APP: variants seen among roughly 807,000 people sequenced by gnomAD.
APP encodes amyloid beta precursor protein, also known as amyloid-beta precursor protein.
A neutral mutation model predicts 101.4 loss-of-function variants in APP; 31 were observed. The observed-to-expected ratio is 0.31, with a 90% CI of 0.23 to 0.41. The LOEUF is 0.41. Among genes scored for constraint, APP ranks in the 10% least tolerant of loss-of-function variants. The pLI is 1.00. For missense variants in APP, 839 were observed against 1,003.7 expected (o/e 0.84, Z 2.22); for synonymous variants, 366 against 364.4 (o/e 1.00, Z -0.05).
chr21:25,925,723 TCAGGAGTTCAAGACCAGC>T (rs2039865000), intron 13 of APP, among the ~76,000 whole-genome samples: 1 of 151,212 alleles, frequency 6.6e-6, no homozygotes. Flanking sequence ...TCACTTGAGG[TCAGGAGTTCAAGACCAGC>T]CTGGCCAACA....
intron 1 of APP, among the ~76,000 whole-genome samples, chr21:26,148,133 T>TG (rs902190546): frequency 1.3e-5 from 2 of 152,232 alleles, no homozygotes; most frequent in African/African-American, 2.4e-5. Flanking sequence ...AGGAAGCCTC[T>TG]GCAAGTGGAG....
intron 9 of APP, among the ~76,000 whole-genome samples, chr21:25,977,774 A>T (rs2042276807): frequency 6.6e-6 from 1 of 152,264 alleles, no homozygotes; most frequent in African/African-American, 2.4e-5. Flanking sequence ...AGAATAGAAC[A>T]TGGAAGAAAA....
intron 6 of APP, among the ~76,000 whole-genome samples, chr21:26,011,043 T>C (rs991767417): frequency 2.0e-5 from 3 of 151,730 alleles, no homozygotes; most frequent in African/African-American, 4.8e-5. Flanking sequence ...AGACACAGTA[T>C]TGCACGGGTA....
At chr21:25,936,915 G>C (rs2040387596) in intron 13 of APP, among the ~76,000 whole-genome samples, 1 of 152,086 alleles carries the variant, frequency 6.6e-6, no homozygotes, top group Non-Finnish European at 1.5e-5. Flanking sequence ...CTGAATCTGA[G>C]AGTAACAAGG....
chr21:26,114,801 A>T (rs973770092), intron 1 of APP, among the ~76,000 whole-genome samples: 10 of 151,976 alleles, frequency 6.6e-5, no homozygotes, highest in Admixed American at 1.3e-4. Flanking sequence ...ATCTGTTGGC[A>T]TATGTGTGTA....
At chr21:26,029,843 C>A (rs1222954144) in intron 5 of APP, among the ~76,000 whole-genome samples, 1 of 152,076 alleles carries the variant, frequency 6.6e-6, no homozygotes, top group Non-Finnish European at 1.5e-5. Flanking sequence ...TTGTATGCGA[C>A]CTGTAAGGCC....
Position 25,928,061 on chromosome 21 carries a change from A to C in APP, c.1688-16099T>G, listed in dbSNP as rs113996401. On this transcript the variant is annotated intron_variant, in intron 13 of 17. Transcript: ENST00000346798. ...AAAGTAGAGACTAAAAAACAACTTT[A>C]TGGCCAGGCGCGGTGGCTCACGCCT... 8.5e-3 allele frequency among the ~76,000 whole-genome samples: 1,295 copies of C among 152,164 alleles called. 26 individuals are homozygous for C. Among genetic ancestry groups the C allele is most frequent in the African/African-American group, 0.03 (1,230 of 41,514 alleles).
At position 26,104,295 on chromosome 21, in the gene APP, C is replaced by T. The variant is rs539312784; in HGVS notation, c.225+7684G>A. 2.0e-4 allele frequency among the ~76,000 whole-genome samples: 31 copies of T among 151,696 alleles called. No individual in the cohort carries two copies. In the South Asian group the frequency reaches 4.0e-3, roughly 19 times the overall value. On this transcript the variant is annotated intron_variant, in intron 2 of 17. Coordinates refer to ENST00000346798, the MANE Select transcript of APP (RefSeq NM_000484.4). ...CACAAACATTCATCCCATAACAGTC[C>T]TCAATACATACTTGAAAAAAAAGGG...
At chr21:26,118,613 G>A (rs1196717564) in intron 1 of APP, among the ~76,000 whole-genome samples, 1 of 152,074 alleles carries the variant, frequency 6.6e-6, no homozygotes, top group Non-Finnish European at 1.5e-5. Flanking sequence ...AGTGCAGCGG[G>A]GTGATCTCGG....
rs958341187 is a variant in APP at position 26,051,556 on chromosome 21, G to A, written c.469-363C>T. Among the ~76,000 whole-genome samples, 18 of 152,262 alleles carry A rather than the reference G, an allele frequency of 1.2e-4. No individual in the cohort carries two copies. The South Asian group carries it at 2.1e-3, about 18-fold the overall frequency. ...TAATTCGTGTATCCAGAAATTGTGCGCATTCCAGGTAGATCCCCAGCTCAC... is the reference window on the plus strand; with the variant it reads ...TAATTCGTGTATCCAGAAATTGTGCACATTCCAGGTAGATCCCCAGCTCAC... On this transcript the variant is annotated intron_variant, in intron 4 of 17. Transcript: ENST00000346798.
At chr21:26,018,701 A>C (rs2044207648) in intron 6 of APP, among the ~76,000 whole-genome samples, 1 of 152,216 alleles carries the variant, frequency 6.6e-6, no homozygotes, top group Non-Finnish European at 1.5e-5. Flanking sequence ...ACCTGCATTA[A>C]AGATTCCTCT....
At chr21:26,076,994 C>G (rs1236097672) in intron 3 of APP, among the ~76,000 whole-genome samples, 1 of 148,950 alleles carries the variant, frequency 6.7e-6, no homozygotes, top group Non-Finnish European at 1.5e-5. Flanking sequence ...ACCCAGGAGG[C>G]GGAGGCTGCG....
intron 1 of APP, among the ~76,000 whole-genome samples, chr21:26,119,685 A>AACACACACAC (rs5843212): frequency 6.7e-6 from 1 of 150,324 alleles, no homozygotes; most frequent in East Asian, 1.9e-4. Flanking sequence ...TGCTAGAATG[A>AACACACACAC]ACACACACAC....
intron 5 of APP, among the ~76,000 whole-genome samples, chr21:26,041,496 C>A (rs2045369376): frequency 6.6e-6 from 1 of 152,174 alleles, no homozygotes; most frequent in Non-Finnish European, 1.5e-5. Flanking sequence ...GTCCATGCAT[C>A]AGTAGCTTAG....
intron 2 of APP, among the ~76,000 whole-genome samples, chr21:26,111,087 TAAAAAA>T (rs576900084): frequency 4.0e-4 from 35 of 88,448 alleles, no homozygotes; most frequent in Middle Eastern, 0.015. Flanking sequence ...AAAGTTAAGT[TAAAAAA>T]AAAAAAAAAA....
chr21:25,891,503 G>A lies in APP; in HGVS notation c.2211+219C>T, dbSNP rs536790453. ...AACTTCAACACAAATTGTAAGTTGA[G>A]ATAACAACACACACTCTCAATACCT... is the stretch of plus-strand genomic sequence containing the variant. On this transcript the variant is annotated intron_variant, in intron 17 of 17. Coordinates refer to ENST00000346798, the MANE Select transcript of APP (RefSeq NM_000484.4). Among the ~76,000 whole-genome samples, 28 of 152,114 alleles carry A rather than the reference G, an allele frequency of 1.8e-4. No individual in the cohort carries two copies. The South Asian group carries it at 5.6e-3, about 30-fold the overall frequency.
At chr21:26,023,911 T>C (rs905020111) in intron 5 of APP, among the ~76,000 whole-genome samples, 1 of 152,180 alleles carries the variant, frequency 6.6e-6, no homozygotes, top group African/African-American at 2.4e-5. Flanking sequence ...AGTAACTCAG[T>C]GAAATTGGGA....
intron 15 of APP, among the ~76,000 whole-genome samples, chr21:25,900,378 C>A (rs1478227002): frequency 7.6e-4 from 45 of 59,472 alleles, no homozygotes; most frequent in Non-Finnish European, 1.0e-3. Context: ...ACTAAAAATA[C>A]AAAAAAAAAA....
chr21:26,127,808 TA>T (rs2146262574), intron 1 of APP, among the ~76,000 whole-genome samples: 1 of 152,300 alleles, frequency 6.6e-6, no homozygotes, highest in South Asian at 2.1e-4. Context: ...GTAATATACA[TA>T]AAATGGAGAG....
Sources: allele counts gnomAD v4.1 joint callset (sites outside exome capture counted in the v4.1 genomes callset), GRCh38; gene constraint gnomAD v4.1.1; transcripts MANE v1.5; gene names NCBI Gene and HGNC (gene_info 2026-07-23, HGNC 2026-07-21).